SOX5: variants seen among roughly 807,000 people sequenced by gnomAD.
SOX5 encodes the protein transcription factor SOX-5.
SOX5 carries 9 observed loss-of-function variants against 92.0 expected under a neutral mutation model. That is an observed-to-expected ratio of 0.10 (90% CI 0.06 to 0.17). The LOEUF (loss-of-function observed/expected upper bound fraction) is 0.17. Among genes scored for constraint, SOX5 ranks in the 10% least tolerant of loss-of-function variants. The pLI, the probability that SOX5 is intolerant of heterozygous loss-of-function variation, is 1.00. For missense variants in SOX5, 642 were observed against 944.5 expected, an observed-to-expected ratio of 0.68 and a Z score of 4.20; for synonymous variants, 344 against 336.3, an observed-to-expected ratio of 1.02 and a Z score of -0.25.
chr12:24,089,686 C>G (rs1256871007), intron 4 of SOX5, among the ~76,000 whole-genome samples: 2 of 152,078 alleles, frequency 1.3e-5, no homozygotes, highest in Non-Finnish European at 2.9e-5. Context: ...TGGTAAAACG[C>G]CCAGGCCTTA....
At chr12:24,137,206 G>C (rs866923644) in intron 4 of SOX5, among the ~76,000 whole-genome samples, 1 of 152,120 alleles carries the variant, frequency 6.6e-6, no homozygotes, top group East Asian at 1.9e-4. Context: ...ATTATGGACG[G>C]CATATGTGGT....
At chr12:23,975,473 G>C (rs933766272) in intron 4 of SOX5, among the ~76,000 whole-genome samples, 2 of 151,916 alleles carry the variant, frequency 1.3e-5, no homozygotes, top group Admixed American at 6.6e-5. Flanking sequence ...TCTGAACTAC[G>C]GTTTGTTTTA....
In SOX5 at chr12:23,552,424, T is replaced by C. The variant is rs1335859368; in HGVS notation, c.1489-6000A>G. 2.0e-5 allele frequency among the ~76,000 whole-genome samples: 3 copies of C among 151,874 alleles called. No homozygotes were observed. In the East Asian group the frequency reaches 5.8e-4, roughly 29 times the overall value. ...GACTTAACTTAGTTTAACTCAGTTTTTGAGCATCCTCCTATCCATTAAACC... is the reference window on the plus strand; with the variant it reads ...GACTTAACTTAGTTTAACTCAGTTTCTGAGCATCCTCCTATCCATTAAACC... On this transcript the variant is annotated intron_variant, in intron 11 of 14. Coordinates refer to ENST00000451604, the MANE Select transcript of SOX5 (RefSeq NM_006940.6).
chr12:23,689,792 G>A (rs1427143168), intron 6 of SOX5, among the ~76,000 whole-genome samples: 1 of 152,154 alleles, frequency 6.6e-6, no homozygotes, highest in East Asian at 1.9e-4. Flanking sequence ...AGGAATGAAG[G>A]ATTTGGAAGT....
chr12:24,441,121 C>A (rs1940494170), intron 1 of SOX5, among the ~76,000 whole-genome samples: 1 of 152,162 alleles, frequency 6.6e-6, no homozygotes, highest in South Asian at 2.1e-4. Context: ...AATCCAGAAC[C>A]CACGTCATAA....
chr12:23,554,863 G>GTAAC (rs1944853974), intron 11 of SOX5, among the ~76,000 whole-genome samples: 1 of 152,086 alleles, frequency 6.6e-6, no homozygotes, highest in Non-Finnish European at 1.5e-5. Flanking sequence ...AATATAGAGA[G>GTAAC]TAACTGCAAA....
intron 1 of SOX5, among the ~76,000 whole-genome samples, chr12:24,394,251 A>C (rs1959260607): frequency 6.6e-6 from 1 of 152,128 alleles, no homozygotes; most frequent in South Asian, 2.1e-4. Flanking sequence ...CTGAGAAGGA[A>C]AAAGAAATTC....
At chr12:23,939,658 C>A (rs982635334) in intron 1 of SOX5, among the ~76,000 whole-genome samples, 1 of 150,764 alleles carries the variant, frequency 6.6e-6, no homozygotes, top group African/African-American at 2.4e-5. Context: ...GATGGTATAA[C>A]TACACTGTTT....
intron 1 of SOX5, among the ~76,000 whole-genome samples, chr12:24,504,706 G>A (rs1273782255): frequency 6.6e-6 from 1 of 151,976 alleles, no homozygotes; most frequent in East Asian, 1.9e-4. Flanking sequence ...GCATACAATG[G>A]CTAATGATAT....
intron 8 of SOX5, among the ~76,000 whole-genome samples, chr12:23,628,786 A>G (rs925810815): frequency 6.6e-6 from 1 of 151,766 alleles, no homozygotes; most frequent in Non-Finnish European, 1.5e-5. Flanking sequence ...TGAAATGTGC[A>G]GGGCTGGCTT....
At chr12:24,008,874 T>C (rs951843351) in intron 4 of SOX5, among the ~76,000 whole-genome samples, 2 of 152,148 alleles carry the variant, frequency 1.3e-5, no homozygotes, top group African/African-American at 4.8e-5. Context: ...TGTGACTACT[T>C]TTAGTCCCAT....
intron 4 of SOX5, among the ~76,000 whole-genome samples, chr12:24,025,407 G>A (rs899804224): frequency 6.6e-6 from 1 of 152,068 alleles, no homozygotes; most frequent in African/African-American, 2.4e-5. Flanking sequence ...TAGAGAGAAA[G>A]AATTGAAAGT....
At chr12:23,588,633 A>C (rs1951080253) in intron 9 of SOX5, among the ~76,000 whole-genome samples, 1 of 151,992 alleles carries the variant, frequency 6.6e-6, no homozygotes, top group South Asian at 2.1e-4. Flanking sequence ...TTTGCCTTAG[A>C]GCTTATCTTA....
At chr12:24,323,982 T>C (rs930843678) in intron 2 of SOX5, among the ~76,000 whole-genome samples, 8 of 152,142 alleles carry the variant, frequency 5.3e-5, no homozygotes, top group Admixed American at 6.5e-5. Flanking sequence ...GAAATGATTA[T>C]GTATAAACAA....
chr12:23,836,876 A>G (rs1445725378), intron 3 of SOX5, among the ~76,000 whole-genome samples: 1 of 151,894 alleles, frequency 6.6e-6, no homozygotes, highest in Admixed American at 6.6e-5. Context: ...CATTCACTCT[A>G]TCTTTGCTTC....
intron 9 of SOX5, among the ~76,000 whole-genome samples, chr12:23,587,399 G>A (rs1266871515): frequency 6.6e-6 from 1 of 151,982 alleles, no homozygotes; most frequent in African/African-American, 2.4e-5. Context: ...AAGTCATAAA[G>A]GTGTAAGCTT....
intron 4 of SOX5, among the ~76,000 whole-genome samples, chr12:24,138,327 T>G (rs1004174991): frequency 2.0e-5 from 3 of 152,122 alleles, no homozygotes; most frequent in African/African-American, 7.3e-5. Flanking sequence ...GCGAATATTC[T>G]CTTACATCGC....
intron 8 of SOX5, among the ~76,000 whole-genome samples, chr12:23,631,817 C>A (rs1566536647): frequency 6.6e-6 from 1 of 152,104 alleles, no homozygotes; most frequent in Non-Finnish European, 1.5e-5. Flanking sequence ...CACCATGAAG[C>A]TGCTGAAAGC....
At chr12:24,440,506 C>T (rs556910799) in intron 1 of SOX5, among the ~76,000 whole-genome samples, 3 of 151,910 alleles carry the variant, frequency 2.0e-5, no homozygotes, top group Non-Finnish European at 2.9e-5. Context: ...ATGCTTAGGT[C>T]GGGTACCAGA....
Sources: gnomAD v4.1 joint callset for allele counts (sites outside exome capture counted in the v4.1 genomes callset) on GRCh38, gnomAD v4.1.1 for gene constraint, MANE v1.5 for transcripts, NCBI Gene and HGNC (gene_info 2026-07-23, HGNC 2026-07-21) for gene names.